OPCML: variants seen among roughly 807,000 people sequenced by gnomAD.
The protein encoded by OPCML is opioid-binding protein/cell adhesion molecule.
OPCML carries 13 observed loss-of-function variants against 37.8 expected under a neutral mutation model. The ratio of observed to expected loss-of-function variants is 0.34; its 90% CI spans 0.22 to 0.55. The LOEUF (loss-of-function observed/expected upper bound fraction) is 0.55, where lower values mean the gene tolerates loss of function less well. Ranked by LOEUF, OPCML falls within the 20% of genes least tolerant of loss-of-function variation. OPCML has a pLI of 0.91. For missense variants in OPCML, 341 were observed against 435.6 expected (o/e 0.78, Z 1.93); for synonymous variants, 176 against 168.8 (o/e 1.04, Z -0.33).
At chr11:132,917,021 C>T (rs1266176510) in intron 2 of OPCML, among the ~76,000 whole-genome samples, 3 of 152,144 alleles carry the variant, frequency 2.0e-5, no homozygotes, top group Non-Finnish European at 2.9e-5. Flanking sequence ...GGAGATGAGT[C>T]CCCCAGAGCC....
rs541805033 is a variant in OPCML, at chr11:132,479,684, A to C, written c.506-42325T>G. Among the ~76,000 whole-genome samples, 10 of 152,046 alleles carry C rather than the reference A, an allele frequency of 6.6e-5. No homozygotes were observed. The South Asian group carries it at 1.0e-3, about 16-fold the overall frequency. ...AGTACGCAGCTGGAGATCTGAGAAC[A>C]GGCAGACTGCCTCCTCAAGTGGGTC... On this transcript the variant is annotated intron_variant, in intron 4 of 7. Coordinates refer to ENST00000524381, the MANE Select transcript of OPCML (RefSeq NM_001012393.5).
intron 2 of OPCML, among the ~76,000 whole-genome samples, chr11:132,703,887 T>C (rs939018599): frequency 2.0e-5 from 3 of 152,228 alleles, no homozygotes; most frequent in Non-Finnish European, 4.4e-5. Context: ...GCCTGGCATC[T>C]GGATTTGCAA....
rs1939361011 is a variant in OPCML, at chr11:133,211,601, G to A, written c.62-268591C>T. Among the ~76,000 whole-genome samples, 1 of 152,182 alleles carries A rather than the reference G, an allele frequency of 6.6e-6. No homozygotes were observed. The stretch of plus-strand genomic sequence containing the variant: ...ATCAACAGTGGAACATGGTTTCCTA[G>A]AAGGGAGCTGAGGTACCCAGAGGCC... On this transcript the variant is annotated intron_variant, in intron 1 of 7. Transcript: ENST00000524381. The surrounding 1 kb of genome is among the most constrained non-coding windows in gnomAD (Gnocchi z 4.1).
At chr11:132,448,527 G>A (rs985817924) in intron 4 of OPCML, among the ~76,000 whole-genome samples, 8 of 152,166 alleles carry the variant, frequency 5.3e-5, no homozygotes, top group Admixed American at 2.0e-4. Context: ...CTCAAGGGGC[G>A]AAGTCTCCAC....
At chr11:133,410,246 A>C (rs555860570) in intron 1 of OPCML, among the ~76,000 whole-genome samples, 2 of 152,174 alleles carry the variant, frequency 1.3e-5, no homozygotes, top group Non-Finnish European at 2.9e-5. Context: ...TGTTAGAAAA[A>C]TAGGTGTTGG....
chr11:133,084,078 T>A (rs947165333), intron 1 of OPCML, among the ~76,000 whole-genome samples: 2 of 152,026 alleles, frequency 1.3e-5, no homozygotes, highest in South Asian at 2.1e-4. Context: ...ATTTTTTTTT[T>A]AACTGGCAAG....
At chr11:133,042,201 G>A (rs978049671) in intron 1 of OPCML, among the ~76,000 whole-genome samples, 21 of 152,218 alleles carry the variant, frequency 1.4e-4, no homozygotes, top group Admixed American at 3.3e-4. Context: ...AAGGAATGCC[G>A]AGGGCCTCGC....
At chr11:132,423,934 A>G (rs1592152395) in intron 7 of OPCML, among the ~76,000 whole-genome samples, 1 of 152,194 alleles carries the variant, frequency 6.6e-6, no homozygotes, top group African/African-American at 2.4e-5. Flanking sequence ...CAGATTGAGT[A>G]CAGTTTTCTT....
chr11:132,588,798 C>T (rs758093119), intron 3 of OPCML, among the ~76,000 whole-genome samples: 7 of 152,246 alleles, frequency 4.6e-5, no homozygotes, highest in Non-Finnish European at 7.4e-5. Context: ...CCAGGTTGTG[C>T]GTCAGCTTCT....
intron 1 of OPCML, among the ~76,000 whole-genome samples, chr11:133,443,969 G>A (rs930130080): frequency 6.6e-6 from 1 of 152,044 alleles, no homozygotes; most frequent in East Asian, 1.9e-4. Context: ...AAATAGAAAG[G>A]GAGCCTTGGG....
In OPCML at chr11:132,418,361, AG is replaced by A. The variant is rs2095945820; in HGVS notation, c.*1831del. ...GAATCCCAGGCAACTTTGCTGGATG[AG>A]TCCTTCTCGTCCCAGGAGACAAGAC... On this transcript the variant is annotated 3_prime_UTR_variant, in exon 8 of 8. Coordinates refer to ENST00000524381, the MANE Select transcript of OPCML (RefSeq NM_001012393.5). The A allele has an allele frequency of 6.6e-6, 1 of 152,268 alleles. No individual in the cohort carries two copies. The highest frequency in any genetic ancestry group is 2.4e-5 in the African/African-American group (1 of 41,462). 9.4% of individuals were successfully genotyped at this position (152,268 alleles called of 1,614,324 possible).
chr11:132,451,965 G>C lies in OPCML; in HGVS notation c.506-14606C>G, dbSNP rs536078813. Reference sequence around the variant, plus strand: ...CTGGATTTCTGTGCGGTACAGAGTAGGTTTCAATTCCCCTAAACCGCTTTG... The same window carrying C: ...CTGGATTTCTGTGCGGTACAGAGTACGTTTCAATTCCCCTAAACCGCTTTG... On this transcript the variant is annotated intron_variant, in intron 4 of 7. Coordinates refer to ENST00000524381, the MANE Select transcript of OPCML (RefSeq NM_001012393.5). Among the ~76,000 whole-genome samples, 11 of 152,186 alleles carry C rather than the reference G, an allele frequency of 7.2e-5. No homozygotes were observed. The South Asian group carries it at 8.3e-4, about 11-fold the overall frequency.
chr11:133,004,548 C>T, intron 1 of OPCML: 1 of 985,448 alleles, frequency 1.0e-6, no homozygotes. Context: ...TCTTGGCCGT[C>T]CTGACACTGC....
At chr11:133,040,303 C>T (rs1054590460) in intron 1 of OPCML, among the ~76,000 whole-genome samples, 5 of 152,170 alleles carry the variant, frequency 3.3e-5, no homozygotes, top group Non-Finnish European at 7.3e-5. Context: ...TCACTCCTAA[C>T]ATTCACCCCA....
chr11:132,626,719 T>G (rs1939763265), intron 3 of OPCML, among the ~76,000 whole-genome samples: 1 of 151,432 alleles, frequency 6.6e-6, no homozygotes, highest in Admixed American at 6.6e-5. Context: ...ATGCATTTAC[T>G]AATCAAGCTG....
intron 1 of OPCML, chr11:133,066,690 T>A (rs1375476917): frequency 6.5e-6 from 1 of 153,204 alleles, no homozygotes; most frequent in African/African-American, 2.4e-5. Context: ...TTTGTTTTGT[T>A]TTTTGAGATG....
chr11:132,552,154 G>C (rs1186815546), intron 3 of OPCML, among the ~76,000 whole-genome samples: 1 of 152,198 alleles, frequency 6.6e-6, no homozygotes, highest in Non-Finnish European at 1.5e-5. Context: ...GTGGGGCCTG[G>C]TTATTTCCAT....
intron 1 of OPCML, among the ~76,000 whole-genome samples, chr11:133,403,590 G>T (rs1370280867): frequency 1.3e-5 from 2 of 152,148 alleles, no homozygotes; most frequent in Admixed American, 1.3e-4. Flanking sequence ...CTGTCTCATG[G>T]TAACCTCTTA....
intron 1 of OPCML, among the ~76,000 whole-genome samples, chr11:133,367,768 T>C (rs1043013857): frequency 1.3e-5 from 2 of 152,200 alleles, no homozygotes; most frequent in African/African-American, 4.8e-5. Flanking sequence ...CTGGCCCTTC[T>C]TCCACCACAC....
Sources: gnomAD v4.1 joint callset for allele counts (sites outside exome capture counted in the v4.1 genomes callset) on GRCh38, gnomAD v4.1.1 for gene constraint, Gnocchi (gnomAD v3.1) non-coding constraint, MANE v1.5 for transcripts, NCBI Gene and HGNC (gene_info 2026-07-23, HGNC 2026-07-21) for gene names.